Variants in PDE11A observed in about 807,000 individuals in gnomAD.
PDE11A encodes the protein dual 3',5'-cyclic-AMP and -GMP phosphodiesterase 11A.
PDE11A carries 100 observed loss-of-function variants against 100.5 expected under a neutral mutation model. That is an observed-to-expected ratio of 1.00 (90% CI 0.85 to 1.18). PDE11A has a LOEUF of 1.18. Among genes scored for constraint, PDE11A ranks in the 50% most tolerant of loss-of-function variants. The probability of loss-of-function intolerance (pLI) is 0.00; values close to 1 mark genes in which losing one functional copy is unlikely to be tolerated. For synonymous variants in PDE11A, 381 were observed against 420.8 expected, an observed-to-expected ratio of 0.91 and a Z score of 1.16; for missense variants, 1,141 against 1,152.6, an observed-to-expected ratio of 0.99 and a Z score of 0.15.
chr2:177,934,584 T>C (rs559829117), intron 2 of PDE11A, among the ~76,000 whole-genome samples: 1 of 152,338 alleles, frequency 6.6e-6, no homozygotes, highest in Non-Finnish European at 1.5e-5. Context: ...TAGAGATTTC[T>C]CAAGGAACTT....
At chr2:178,034,655 C>A (rs959992616) in intron 1 of PDE11A, among the ~76,000 whole-genome samples, 3 of 152,106 alleles carry the variant, frequency 2.0e-5, no homozygotes, top group Non-Finnish European at 4.4e-5. Flanking sequence ...TGTAAAAGAA[C>A]AGAAATTATA....
intron 2 of PDE11A, among the ~76,000 whole-genome samples, chr2:177,947,531 T>C (rs1327869849): frequency 6.6e-6 from 1 of 152,090 alleles, no homozygotes; most frequent in African/African-American, 2.4e-5. Flanking sequence ...TTAAGGGCGG[T>C]GCAAGATGTG....
chr2:177,772,226 G>C (rs1321556627), intron 9 of PDE11A, among the ~76,000 whole-genome samples: 1 of 151,928 alleles, frequency 6.6e-6, no homozygotes. Flanking sequence ...TGTTCTATGA[G>C]GTTTGGTTAT....
chr2:178,068,358 T>C (rs907066740), intron 1 of PDE11A, among the ~76,000 whole-genome samples: 2 of 152,122 alleles, frequency 1.3e-5, no homozygotes, highest in African/African-American at 4.8e-5. Context: ...GAACTTCTAT[T>C]CAATTTTAGC....
intron 12 of PDE11A, among the ~76,000 whole-genome samples, chr2:177,720,304 G>C (rs1329053351): frequency 1.3e-5 from 2 of 152,112 alleles, no homozygotes; most frequent in Non-Finnish European, 2.9e-5. Context: ...GAGTGCTTAT[G>C]AGTATTTATA....
intron 5 of PDE11A, among the ~76,000 whole-genome samples, chr2:177,860,006 A>G (rs60642430): frequency 1.3e-5 from 2 of 151,976 alleles, no homozygotes; most frequent in African/African-American, 4.8e-5. Flanking sequence ...TAAAAAGGAA[A>G]AATAAGGAAT....
chr2:177,858,674 G>A (rs1027409313), intron 5 of PDE11A, among the ~76,000 whole-genome samples: 8 of 152,142 alleles, frequency 5.3e-5, no homozygotes, highest in South Asian at 2.1e-4. Flanking sequence ...CAACCATTGC[G>A]GAAGTCAGTG....
chr2:177,747,402 G>A (rs1389643966), intron 10 of PDE11A, among the ~76,000 whole-genome samples: 3 of 152,192 alleles, frequency 2.0e-5, no homozygotes, highest in East Asian at 1.9e-4. Context: ...ACTCCCAGAA[G>A]CCTGGTCTCC....
At chr2:178,100,268 AC>A (rs915732008) in intron 2 of PDE11A, among the ~76,000 whole-genome samples, 3 of 152,222 alleles carry the variant, frequency 2.0e-5, no homozygotes, top group African/African-American at 7.2e-5. Flanking sequence ...AATTTTTAAA[AC>A]CACATAAGAT....
intron 1 of PDE11A, among the ~76,000 whole-genome samples, chr2:178,069,302 A>G (rs1292392388): frequency 6.6e-6 from 1 of 152,176 alleles, no homozygotes; most frequent in Non-Finnish European, 1.5e-5. Context: ...CCAAGGTCAC[A>G]CCATTGGTGA....
chr2:178,102,621 A>T (rs183365192), intron 2 of PDE11A, among the ~76,000 whole-genome samples: 13 of 151,734 alleles, frequency 8.6e-5, no homozygotes, highest in Non-Finnish European at 1.6e-4. Flanking sequence ...TACATTGCCC[A>T]GGCTGGTCTT....
chr2:177,983,025 G>A (rs1441294594), intron 2 of PDE11A, among the ~76,000 whole-genome samples: 3 of 150,592 alleles, frequency 2.0e-5, no homozygotes, highest in Admixed American at 2.0e-4. Context: ...GCAGTGACCT[G>A]AGATCGCGCC....
intron 9 of PDE11A, among the ~76,000 whole-genome samples, chr2:177,782,027 C>T (rs1317880735): frequency 6.6e-6 from 1 of 152,156 alleles, no homozygotes; most frequent in Non-Finnish European, 1.5e-5. Flanking sequence ...AAATCTCAAT[C>T]TAATTTTTAA....
At position 177,817,770 on chromosome 2, in the gene PDE11A, C is replaced by G. The variant is rs1419893769; in HGVS notation, c.1644+88G>C. The stretch of plus-strand genomic sequence containing the variant: ...TCCATTTAAGTATAATAATAATTGA[C>G]TAATAATTGTTTGTCTTTCAAATTT... On this transcript the variant is annotated intron_variant, in intron 8 of 19. Coordinates refer to ENST00000286063, the MANE Select transcript of PDE11A (RefSeq NM_016953.4). 7.0e-6 allele frequency: 5 copies of G among 717,596 alleles called. No individual in the cohort carries two copies. In the East Asian group the frequency reaches 1.1e-4, roughly 15 times the overall value. The allele number at this position is 717,596 out of a possible 1,614,324, so 44.5% of individuals were successfully genotyped here. A position where few individuals can be genotyped will look rare whatever the true frequency, so the allele number is the denominator to read the frequency against.
chr2:177,823,158 G>A lies in PDE11A; in HGVS notation c.1501-2863C>T, dbSNP rs149208044. On this transcript the variant is annotated intron_variant, in intron 6 of 19. Transcript: ENST00000286063. ...ACAAAAACGTAAGCATAAATCATTC[G>A]TCCAGTGTACTCTTCCAAAAAATAT... 8.0e-3 allele frequency among the ~76,000 whole-genome samples: 1,217 copies of A among 152,032 alleles called. 17 individuals are homozygous for A. The highest frequency in any genetic ancestry group is 0.028 in the African/African-American group (1,152 of 41,472).
intron 5 of PDE11A, among the ~76,000 whole-genome samples, chr2:177,851,598 G>A (rs576622036): frequency 4.6e-5 from 7 of 152,264 alleles, no homozygotes; most frequent in Admixed American, 2.0e-4. Context: ...TAGAGCTGAC[G>A]CTTAGGATAC....
intron 2 of PDE11A, among the ~76,000 whole-genome samples, chr2:177,926,311 C>G (rs1225488645): frequency 6.6e-6 from 1 of 151,946 alleles, no homozygotes; most frequent in East Asian, 1.9e-4. Flanking sequence ...TTATGTTTTC[C>G]TTCTTGATTT....
rs559553011 is a variant in PDE11A at position 177,798,454 on chromosome 2, A to C, written c.1737+18375T>G. ...GCACATAATAGGTGATCCATTCGTAACATTAATGATTATTTATCTTACAAA... is the reference window on the plus strand; with the variant it reads ...GCACATAATAGGTGATCCATTCGTACCATTAATGATTATTTATCTTACAAA... On this transcript the variant is annotated intron_variant, in intron 9 of 19. Coordinates refer to ENST00000286063, the MANE Select transcript of PDE11A (RefSeq NM_016953.4). Among the ~76,000 whole-genome samples the C allele has an allele frequency of 2.6e-5, 4 of 152,304 alleles. No individual in the cohort carries two copies. The South Asian group carries it at 8.3e-4, about 32-fold the overall frequency.
At chr2:177,647,122 T>C (rs1247368832) in intron 19 of PDE11A, among the ~76,000 whole-genome samples, 1 of 152,176 alleles carries the variant, frequency 6.6e-6, no homozygotes, top group African/African-American at 2.4e-5. Flanking sequence ...AGTCACGTGG[T>C]AATAATCCAT....
Sources: gnomAD v4.1 joint callset for allele counts (sites outside exome capture counted in the v4.1 genomes callset) on GRCh38, gnomAD v4.1.1 for gene constraint, MANE v1.5 for transcripts, NCBI Gene and HGNC (gene_info 2026-07-23, HGNC 2026-07-21) for gene names.